The following MAP7 variants were observed in gnomAD, a reference collection of about 807,000 sequenced individuals.
MAP7 encodes ensconsin.
Under a neutral mutation model 94.8 loss-of-function variants are expected in MAP7, and 52 were observed. The ratio of observed to expected loss-of-function variants is 0.55; its 90% CI spans 0.44 to 0.69. The LOEUF (loss-of-function observed/expected upper bound fraction) is 0.69, where lower values mean the gene tolerates loss of function less well. Among genes scored for constraint, MAP7 ranks in the 30% least tolerant of loss-of-function variants. MAP7 has a pLI of 0.00. For missense variants in MAP7, 940 were observed against 964.6 expected, an observed-to-expected ratio of 0.97 and a Z score of 0.34; for synonymous variants, 350 against 357.0, an observed-to-expected ratio of 0.98 and a Z score of 0.22.
At chr6:136,466,819 T>C (rs774767116) in intron 1 of MAP7, 197 of 1,534,138 alleles carry the variant, frequency 1.3e-4, no homozygotes, top group Non-Finnish European at 1.6e-4. Flanking sequence ...CTGCAACATA[T>C]CTGCATGTCT....
chr6:136,458,618 T>C (rs760204493), intron 1 of MAP7, among the ~76,000 whole-genome samples: 2 of 152,012 alleles, frequency 1.3e-5, no homozygotes, highest in Non-Finnish European at 2.9e-5. Context: ...AGCCCACAAA[T>C]ATATGGTCAA....
chr6:136,391,555 A>AAACAACAACAACAACAACAAC (rs58864802), intron 3 of MAP7, among the ~76,000 whole-genome samples: 1 of 149,642 alleles, frequency 6.7e-6, no homozygotes, highest in Non-Finnish European at 1.5e-5. Context: ...GTATAATAAA[A>AAACAACAACAACAACAACAAC]AACAACAACA....
At chr6:136,354,543 T>A (rs1790312966) in intron 16 of MAP7, among the ~76,000 whole-genome samples, 1 of 150,674 alleles carries the variant, frequency 6.6e-6, no homozygotes, top group South Asian at 2.1e-4. Context: ...GGATTTCATA[T>A]TAGGCTTATT....
At chr6:136,394,724 C>A (rs956480993) in intron 3 of MAP7, among the ~76,000 whole-genome samples, 22 of 151,050 alleles carry the variant, frequency 1.5e-4, no homozygotes, top group Non-Finnish European at 2.2e-4. Context: ...ACCTCCCCCC[C>A]ACCTTTCTGT....
chr6:136,526,150 A>T, intron 1 of MAP7: 1 of 1,312,588 alleles, frequency 7.6e-7, no homozygotes. Context: ...TTGGCAACTG[A>T]GGCCCTGCAG....
intron 1 of MAP7, among the ~76,000 whole-genome samples, chr6:136,452,467 T>C (rs1801449504): frequency 1.3e-5 from 2 of 152,220 alleles, no homozygotes; most frequent in African/African-American, 4.8e-5. Context: ...AAGAGTCTAC[T>C]GATGCAATCA....
chr6:136,485,171 A>G (rs1426357920), intron 1 of MAP7, among the ~76,000 whole-genome samples: 1 of 152,238 alleles, frequency 6.6e-6, no homozygotes, highest in Non-Finnish European at 1.5e-5. Context: ...TTTAACACAT[A>G]TATTAAATGT....
At chr6:136,538,720 T>C (rs1459467852) in intron 1 of MAP7, among the ~76,000 whole-genome samples, 2 of 146,116 alleles carry the variant, frequency 1.4e-5, no homozygotes, top group Non-Finnish European at 3.0e-5. Flanking sequence ...GGAGCCCAGA[T>C]GTCAAAGCTG....
intron 16 of MAP7, among the ~76,000 whole-genome samples, chr6:136,349,780 T>C (rs1562297468): frequency 6.6e-6 from 1 of 152,082 alleles, no homozygotes; most frequent in Non-Finnish European, 1.5e-5. Context: ...GGAAAAGAGA[T>C]GGGCAAGAAA....
intron 1 of MAP7, among the ~76,000 whole-genome samples, chr6:136,501,477 C>T (rs1342081131): frequency 6.6e-6 from 1 of 152,188 alleles, no homozygotes; most frequent in Non-Finnish European, 1.5e-5. Flanking sequence ...ACCCTCATGG[C>T]TTCCACATGG....
chr6:136,401,774 G>C (rs528755026), intron 3 of MAP7, among the ~76,000 whole-genome samples: 1 of 148,146 alleles, frequency 6.8e-6, no homozygotes, highest in East Asian at 2.0e-4. Flanking sequence ...AGAACTTAAA[G>C]TATAATTAAA....
chr6:136,481,504 C>T (rs1017477261), intron 1 of MAP7, among the ~76,000 whole-genome samples: 7 of 151,946 alleles, frequency 4.6e-5, no homozygotes, highest in African/African-American at 7.3e-5. Flanking sequence ...GTGAAATAAG[C>T]GAGGGACAAA....
intron 1 of MAP7, among the ~76,000 whole-genome samples, chr6:136,490,861 C>A (rs1476822458): frequency 6.6e-6 from 1 of 152,200 alleles, no homozygotes; most frequent in African/African-American, 2.4e-5. Flanking sequence ...GTCTGTCTGA[C>A]AGGCCCTTGC....
chr6:136,386,319 G>A (rs1779184480), intron 5 of MAP7, among the ~76,000 whole-genome samples: 1 of 152,036 alleles, frequency 6.6e-6, no homozygotes, highest in South Asian at 2.1e-4. Flanking sequence ...TTATTTTCTG[G>A]CAAACTTCTC....
chr6:136,370,573 G>A (rs946197339), intron 8 of MAP7, among the ~76,000 whole-genome samples: 3 of 152,154 alleles, frequency 2.0e-5, no homozygotes, highest in Non-Finnish European at 4.4e-5. Flanking sequence ...ATATAATTCA[G>A]CCCTAAAAAG....
chr6:136,495,461 CACACACACACACACACACACACATAA>C (rs915786255), intron 1 of MAP7, among the ~76,000 whole-genome samples: 3 of 151,538 alleles, frequency 2.0e-5, no homozygotes, highest in African/African-American at 7.3e-5. Flanking sequence ...AATACACACA[CACACACACACACACACACACACATAA>C]ACACACACAC....
intron 1 of MAP7, among the ~76,000 whole-genome samples, chr6:136,424,933 T>C (rs751873218): frequency 7.2e-5 from 11 of 152,244 alleles, no homozygotes; most frequent in Non-Finnish European, 1.5e-4. Flanking sequence ...CAGCAAAAGC[T>C]TAAACTCAGT....
intron 1 of MAP7, among the ~76,000 whole-genome samples, chr6:136,494,777 G>A (rs1455963928): frequency 2.6e-5 from 4 of 152,124 alleles, no homozygotes; most frequent in Admixed American, 2.6e-4. Context: ...TTAAGAAGGG[G>A]CCTAAAAACA....
chr6:136,517,430 A>C (rs758307464), intron 1 of MAP7, among the ~76,000 whole-genome samples: 1 of 152,230 alleles, frequency 6.6e-6, no homozygotes, highest in Non-Finnish European at 1.5e-5. Flanking sequence ...CTCCCAACAG[A>C]ACATGTCAGT....
Sources: allele counts gnomAD v4.1 joint callset (sites outside exome capture counted in the v4.1 genomes callset), GRCh38; gene constraint gnomAD v4.1.1; transcripts MANE v1.5; gene names NCBI Gene and HGNC (gene_info 2026-07-23, HGNC 2026-07-21).